Variants in KSR1 observed in about 807,000 individuals in gnomAD.
KSR1 encodes kinase suppressor of ras 1.
A neutral mutation model predicts 92.9 loss-of-function variants in KSR1; 35 were observed. The observed-to-expected ratio is 0.38, with a 90% CI of 0.29 to 0.50. The LOEUF (loss-of-function observed/expected upper bound fraction) is 0.50, where lower values mean the gene tolerates loss of function less well. Ranked by LOEUF, KSR1 falls within the 20% of genes least tolerant of loss-of-function variation. KSR1 has a pLI of 0.94. For synonymous variants in KSR1, 467 were observed against 472.6 expected (o/e 0.99, Z 0.15); for missense variants, 972 against 1,158.5 (o/e 0.84, Z 2.34).
At chr17:27,499,257 A>G (rs2069095405) in intron 1 of KSR1, among the ~76,000 whole-genome samples, 1 of 152,162 alleles carries the variant, frequency 6.6e-6, no homozygotes, top group African/African-American at 2.4e-5. Context: ...AACCAGGAGC[A>G]AGAGGGAACT....
At chr17:27,607,222 C>G (rs1340557499) in intron 14 of KSR1, among the ~76,000 whole-genome samples, 1 of 152,176 alleles carries the variant, frequency 6.6e-6, no homozygotes, top group African/African-American at 2.4e-5. Context: ...AATCACCAAC[C>G]AATATTCTCT....
At chr17:27,588,648 T>TC in intron 6 of KSR1, 113 bp downstream of exon 6, 1 of 952,796 alleles carries the variant, frequency 1.0e-6, no homozygotes, top group Non-Finnish European at 1.5e-6. Context: ...GACGGGCCTG[T>TC]CCATTTCACC....
chr17:27,526,509 T>C, intron 1 of KSR1: 18 of 1,604,242 alleles, frequency 1.1e-5, no homozygotes, highest in Non-Finnish European at 1.5e-5. Context: ...CCTGTGTTCC[T>C]CCTCTGCCAT....
chr17:27,457,884 C>A (rs999362937), intron 1 of KSR1, among the ~76,000 whole-genome samples: 3 of 151,590 alleles, frequency 2.0e-5, no homozygotes, highest in African/African-American at 7.3e-5. Flanking sequence ...TTTATTAGAT[C>A]CTCAATTTCT....
intron 1 of KSR1, among the ~76,000 whole-genome samples, chr17:27,549,755 T>C (rs1355282525): frequency 1.3e-5 from 2 of 152,230 alleles, no homozygotes; most frequent in Non-Finnish European, 2.9e-5. Context: ...GTGCTCACCA[T>C]GTGCCAAATG....
chr17:27,567,194 G>A (rs1349020038), intron 2 of KSR1, among the ~76,000 whole-genome samples: 57 of 152,308 alleles, frequency 3.7e-4, no homozygotes, highest in Non-Finnish European at 1.0e-4. Context: ...AAGAAGCTGT[G>A]TAAGAATCCA....
At chr17:27,604,373 G>A (rs772162458) in intron 12 of KSR1, among the ~76,000 whole-genome samples, 1 of 152,194 alleles carries the variant, frequency 6.6e-6, no homozygotes, top group Non-Finnish European at 1.5e-5. Context: ...GTCAGATTCC[G>A]AGTCCTGTGG....
At chr17:27,541,955 T>C (rs2070983075) in intron 1 of KSR1, among the ~76,000 whole-genome samples, 2 of 152,366 alleles carry the variant, frequency 1.3e-5, no homozygotes, top group South Asian at 2.1e-4. Context: ...CACATCCCGA[T>C]GTAGCTTTGT....
At chr17:27,570,918 G>A (rs2072281153) in intron 2 of KSR1, among the ~76,000 whole-genome samples, 1 of 152,200 alleles carries the variant, frequency 6.6e-6, no homozygotes, top group Non-Finnish European at 1.5e-5. Flanking sequence ...TAAAGTCCCT[G>A]GAAAATTCCA....
At position 27,467,937 on chromosome 17, in the gene KSR1, G is replaced by A. The variant is rs189944735; in HGVS notation, c.231+11063G>A. On this transcript the variant is annotated intron_variant, in intron 1 of 20. Transcript: ENST00000644974. ...TTCCATTCTCCTGCCACAGCCTCCC[G>A]AGTAGCTGGGACTACAGGTGCCTGC... Among the ~76,000 whole-genome samples the A allele has an allele frequency of 4.7e-3, 701 of 149,306 alleles. 4 individuals are homozygous for A. Among genetic ancestry groups the A allele is most frequent in the Non-Finnish European group, 8.1e-3 (548 of 67,520 alleles).
In KSR1 at chr17:27,597,317, C is replaced by T. The variant is rs1271244920; in HGVS notation, c.1349C>T (p.Ser450Phe). Residue 450 changes from serine (S) to phenylalanine (F), a missense_variant, in exon 10 of 21, where the codon TCC (serine) becomes TTC (phenylalanine). By Grantham distance (155) the Ser-to-Phe change is radical (BLOSUM62 -2). This residue lies in a region of KSR1 where 611 missense variants were observed against 668.0 expected (regional missense o/e 0.91). Transcript: ENST00000644974. ...CTGGACTCCAGCAGCAACCCTTCCT[C>T]CACCACCTCCTCCACACCCTCCTCA... is the stretch of plus-strand genomic sequence containing the variant. ...NHLDSSSNPS[S>F]TTSSTPSSPA... The T allele has an allele frequency of 1.9e-6, 3 of 1,609,088 alleles. No homozygotes were observed. The highest frequency in any genetic ancestry group is 2.5e-6 in the Non-Finnish European group (3 of 1,177,760).
chr17:27,576,166 A>G (rs1197988998), intron 2 of KSR1, among the ~76,000 whole-genome samples: 4 of 152,092 alleles, frequency 2.6e-5, no homozygotes, highest in Admixed American at 2.6e-4. Flanking sequence ...GCTCAAGAGA[A>G]CCCTTTGCTT....
At chr17:27,476,615 G>A (rs2068355873) in intron 1 of KSR1, among the ~76,000 whole-genome samples, 1 of 152,214 alleles carries the variant, frequency 6.6e-6, no homozygotes, top group Non-Finnish European at 1.5e-5. Flanking sequence ...GCCCTGGGAA[G>A]CCCATGGTTG....
At chr17:27,618,122 A>G (rs1012913839) in intron 19 of KSR1, among the ~76,000 whole-genome samples, 4 of 152,108 alleles carry the variant, frequency 2.6e-5, no homozygotes, top group African/African-American at 9.7e-5. Context: ...AAATAAGCAG[A>G]GTCAATATTG....
chr17:27,456,862 A>G lies in KSR1; in HGVS notation c.219A>G (p.Ile73Met), dbSNP rs768269389. Reference sequence around the variant, plus strand: ...CCAACGACCTCACCCAGCAGGAGATACGGACCCTGGAGGTAAGTGGGTCGG... The same window carrying G: ...CCAACGACCTCACCCAGCAGGAGATGCGGACCCTGGAGGTAAGTGGGTCGG... ...AVSNDLTQQE[I>M]RTLEAKLVRY... Residue 73 changes from isoleucine to methionine, a missense_variant, in exon 1 of 21, where the codon ATA (isoleucine) becomes ATG (methionine). Ile to Met is a conservative substitution (Grantham distance 10). Coordinates refer to ENST00000644974, the MANE Select transcript of KSR1 (RefSeq NM_001394583.1). The G allele has an allele frequency of 4.0e-6, 4 of 996,656 alleles. No individual in the cohort carries two copies. The highest frequency in any genetic ancestry group is 6.3e-6 in the Non-Finnish European group (4 of 632,296). 61.7% of individuals were successfully genotyped at this position (996,656 alleles called of 1,614,324 possible).
At chr17:27,486,248 C>G (rs536537135) in intron 1 of KSR1, among the ~76,000 whole-genome samples, 1 of 152,324 alleles carries the variant, frequency 6.6e-6, no homozygotes, top group Non-Finnish European at 1.5e-5. Context: ...AACACACTGA[C>G]AAGGGTGGTA....
Position 27,611,592 on chromosome 17 carries a change from G to A in KSR1, c.2456G>A (p.Arg819His), listed in dbSNP as rs1300152484. 1.1e-5 allele frequency: 18 copies of A among 1,613,776 alleles called. No homozygotes were observed. The highest frequency in any genetic ancestry group is 7.7e-5 in the South Asian group (7 of 91,080). Residue 819 changes from arginine to histidine, a missense_variant, in exon 18 of 21, where the codon CGT becomes CAT. Transcript: ENST00000644974. ...ATTGGAAGCGGGGAAGGAATGAAGCGTGTCCTGACTTCTGTCAGCTTGGGG... is the reference window on the plus strand; with the variant it reads ...ATTGGAAGCGGGGAAGGAATGAAGCATGTCCTGACTTCTGTCAGCTTGGGG... ...WQIGSGEGMK[R>H]VLTSVSLGKE...
intron 2 of KSR1, among the ~76,000 whole-genome samples, chr17:27,574,681 G>T (rs1426109978): frequency 1.3e-5 from 2 of 152,182 alleles, no homozygotes; most frequent in Non-Finnish European, 2.9e-5. Context: ...TTTGACGCTT[G>T]AGACAAGGAA....
At chr17:27,466,881 G>T (rs1161611345) in intron 1 of KSR1, among the ~76,000 whole-genome samples, 1 of 152,192 alleles carries the variant, frequency 6.6e-6, no homozygotes, top group Admixed American at 6.5e-5. Flanking sequence ...GTTCCACCCC[G>T]TTTCATTTTC....
Sources: allele counts gnomAD v4.1 joint callset (sites outside exome capture counted in the v4.1 genomes callset), GRCh38; gene constraint gnomAD v4.1.1; regional missense constraint gnomAD v4.1.1; transcripts MANE v1.5; gene names NCBI Gene and HGNC (gene_info 2026-07-23, HGNC 2026-07-21).